Variants in ARMH3 observed in about 807,000 individuals in gnomAD.
ARMH3 encodes the protein armadillo like helical domain containing 3, also known as armadillo-like helical domain-containing protein 3.
In ARMH3, 60 loss-of-function variants were observed where a neutral mutation model predicts 99.1. That is an observed-to-expected ratio of 0.61 (90% CI 0.49 to 0.75). The LOEUF (loss-of-function observed/expected upper bound fraction) is 0.75. Among genes scored for constraint, ARMH3 ranks in the 30% least tolerant of loss-of-function variants. The probability of loss-of-function intolerance (pLI) is 0.00; values close to 1 mark genes in which losing one functional copy is unlikely to be tolerated. For synonymous variants in ARMH3, 285 were observed against 292.8 expected, an observed-to-expected ratio of 0.97 and a Z score of 0.27; for missense variants, 679 against 843.1, an observed-to-expected ratio of 0.81 and a Z score of 2.41.
At chr10:102,011,887 C>A in intron 10 of ARMH3, 104 bp from the exon 11 acceptor site, 1 of 802,368 alleles carries the variant, frequency 1.2e-6, no homozygotes, top group Non-Finnish European at 2.0e-6. Flanking sequence ...AATTCTCTGA[C>A]TCCAGAAAAC....
At chr10:101,971,095 CAAAAAAA>C (rs71472590) in intron 20 of ARMH3, among the ~76,000 whole-genome samples, 8 of 33,284 alleles carry the variant, frequency 2.4e-4, no homozygotes, top group South Asian at 9.9e-4. Context: ...AGACCGTCTC[CAAAAAAA>C]AAAAAAAAAA....
chr10:102,050,770 T>C (rs1590242760), intron 1 of ARMH3, among the ~76,000 whole-genome samples: 1 of 150,894 alleles, frequency 6.6e-6, no homozygotes, highest in East Asian at 2.0e-4. Flanking sequence ...GGCACGAGAA[T>C]TGCTTGAACC....
At chr10:102,005,376 G>GTT (rs1203491774) in intron 14 of ARMH3, among the ~76,000 whole-genome samples, 1 of 102,018 alleles carries the variant, frequency 9.8e-6, no homozygotes, top group Non-Finnish European at 1.9e-5. Flanking sequence ...GCAAGACTCT[G>GTT]TCTCAAAAAA....
chr10:101,902,258 C>G (rs188383617), intron 23 of ARMH3, among the ~76,000 whole-genome samples: 1 of 152,100 alleles, frequency 6.6e-6, no homozygotes, highest in Admixed American at 6.5e-5. Flanking sequence ...GAAACTCTCA[C>G]AAGGGGAAGG....
rs775583819 is a variant in ARMH3 at position 101,847,524 on chromosome 10, G to A, written c.*4C>T. On this transcript the variant is annotated 3_prime_UTR_variant, in exon 26 of 26. Transcript: ENST00000370033. ...AGTCAGAGGCTGCTCAGGTAGGCGT[G>A]GCCTCAGGAGATAGTGGAGAACTCC... 1.2e-6 allele frequency: 2 copies of A among 1,613,428 alleles called. No individual in the cohort carries two copies. Among genetic ancestry groups the A allele is most frequent in the Non-Finnish European group, 1.7e-6 (2 of 1,179,452 alleles).
At chr10:101,879,185 C>T (rs1023604387) in intron 24 of ARMH3, among the ~76,000 whole-genome samples, 8 of 152,040 alleles carry the variant, frequency 5.3e-5, no homozygotes, top group African/African-American at 1.9e-4. Flanking sequence ...GTCACATATG[C>T]CCCAGCCTGA....
At chr10:102,034,910 A>G (rs1250531956) in intron 2 of ARMH3, among the ~76,000 whole-genome samples, 1 of 151,978 alleles carries the variant, frequency 6.6e-6, no homozygotes, top group Non-Finnish European at 1.5e-5. Flanking sequence ...CTCCATCTCA[A>G]AAACAAAAAT....
chr10:102,055,046 G>C (rs1204448232), intron 1 of ARMH3, among the ~76,000 whole-genome samples: 1 of 151,570 alleles, frequency 6.6e-6, no homozygotes, highest in South Asian at 2.1e-4. Flanking sequence ...AAAAGGCCGG[G>C]CGCGGTGGCT....
intron 20 of ARMH3, among the ~76,000 whole-genome samples, chr10:101,964,447 C>A (rs1164784959): frequency 1.3e-5 from 2 of 152,204 alleles, no homozygotes; most frequent in Non-Finnish European, 2.9e-5. Flanking sequence ...ACAGCAGCAT[C>A]ATTCACAACA....
intron 24 of ARMH3, among the ~76,000 whole-genome samples, chr10:101,872,138 TAAA>T (rs1236261639): frequency 6.6e-6 from 1 of 151,890 alleles, no homozygotes. Context: ...AAATTGATCT[TAAA>T]AATATCTAGT....
intron 14 of ARMH3, among the ~76,000 whole-genome samples, chr10:102,006,108 T>G (rs1323021619): frequency 6.6e-6 from 1 of 152,266 alleles, no homozygotes; most frequent in Non-Finnish European, 1.5e-5. Context: ...ACTGCTTCAT[T>G]TCTCTGGCCT....
chr10:102,008,886 T>G (rs1024525654), intron 13 of ARMH3, among the ~76,000 whole-genome samples: 5 of 152,094 alleles, frequency 3.3e-5, no homozygotes, highest in African/African-American at 9.7e-5. Context: ...ATTCTATGAC[T>G]TCCTTTCAAT....
intron 8 of ARMH3, among the ~76,000 whole-genome samples, chr10:102,020,849 A>C (rs1356121662): frequency 1.4e-5 from 2 of 144,646 alleles, no homozygotes; most frequent in African/African-American, 5.0e-5. Context: ...CTCTGTCTCA[A>C]AAAAAAAAAA....
intron 23 of ARMH3, among the ~76,000 whole-genome samples, chr10:101,932,334 G>A (rs1843755743): frequency 6.6e-6 from 1 of 152,188 alleles, no homozygotes; most frequent in African/African-American, 2.4e-5. Context: ...AAAGTAACAT[G>A]GTGCAGCCAC....
intron 5 of ARMH3, 199 bp downstream of exon 5, chr10:102,029,439 C>T: frequency 6.5e-7 from 1 of 1,541,294 alleles, no homozygotes; most frequent in Non-Finnish European, 8.8e-7. Flanking sequence ...AAGAATACCT[C>T]CATTCAAATT....
At chr10:101,995,260 A>G in intron 16 of ARMH3, 37 bp downstream of exon 16, 1 of 1,576,020 alleles carries the variant, frequency 6.3e-7, no homozygotes, top group African/African-American at 1.4e-5. Flanking sequence ...GCACTTTGTA[A>G]AAGACTGCCT....
At chr10:101,875,530 T>G (rs931259124) in intron 24 of ARMH3, among the ~76,000 whole-genome samples, 2 of 152,182 alleles carry the variant, frequency 1.3e-5, no homozygotes, top group African/African-American at 4.8e-5. Context: ...CCCCTTTCTA[T>G]TTTCATTTCC....
At chr10:101,904,220 G>A (rs925838292) in intron 23 of ARMH3, among the ~76,000 whole-genome samples, 1 of 152,196 alleles carries the variant, frequency 6.6e-6, no homozygotes, top group Admixed American at 6.5e-5. Flanking sequence ...GGTCCTCAGT[G>A]AGAAACACAG....
chr10:101,982,626 A>C (rs371178874), intron 19 of ARMH3, among the ~76,000 whole-genome samples: 118 of 152,304 alleles, frequency 7.7e-4, no homozygotes, highest in African/African-American at 2.4e-3. Flanking sequence ...GCTGCTGCCC[A>C]TGGTCTGCAT....
Sources: gnomAD v4.1 joint callset for allele counts (sites outside exome capture counted in the v4.1 genomes callset) on GRCh38, gnomAD v4.1.1 for gene constraint, MANE v1.5 for transcripts, NCBI Gene and HGNC (gene_info 2026-07-23, HGNC 2026-07-21) for gene names.